Variants in NAALADL2 observed in about 807,000 individuals in gnomAD.
The protein encoded by NAALADL2 is N-acetylated alpha-linked acidic dipeptidase like 2.
NAALADL2 carries 76 observed loss-of-function variants against 87.2 expected under a neutral mutation model. The ratio of observed to expected loss-of-function variants is 0.87; its 90% CI spans 0.72 to 1.05. The LOEUF (loss-of-function observed/expected upper bound fraction) is 1.05. Ranked by LOEUF, NAALADL2 falls within the 50% of genes least tolerant of loss-of-function variation. The pLI, the probability that NAALADL2 is intolerant of heterozygous loss-of-function variation, is 0.00. For synonymous variants in NAALADL2, 354 were observed against 331.0 expected, an observed-to-expected ratio of 1.07 and a Z score of -0.75; for missense variants, 1,089 against 945.8, an observed-to-expected ratio of 1.15 and a Z score of -1.99.
At chr3:174,859,029 C>T (rs945415009), upstream of NAALADL2, among the ~76,000 whole-genome samples, 7 of 152,016 alleles carry the variant, frequency 4.6e-5, no homozygotes, top group African/African-American at 1.7e-4. Flanking sequence ...ATTAGAAACA[C>T]TCAAAAACAA....
At position 175,809,559 on chromosome 3, in the gene NAALADL2, G is replaced by C. The variant is rs1755006606; in HGVS notation, c.*6356G>C. 6.8e-6 allele frequency: 1 copy of C among 147,922 alleles called. No individual in the cohort carries two copies. Among genetic ancestry groups the C allele is most frequent in the Admixed American group, 6.8e-5 (1 of 14,640 alleles). 9.2% of individuals were successfully genotyped at this position (147,922 alleles called of 1,614,324 possible). A position where few individuals can be genotyped will look rare whatever the true frequency, so the allele number is the denominator to read the frequency against. ...AAAAAAGAAAAGAAAAAGTAGCTAG[G>C]CATGTTGGTGTGCACCTTTGTAGTC... On this transcript the variant is annotated 3_prime_UTR_variant, in exon 14 of 14. Transcript: ENST00000454872.
intron 2 of NAALADL2, among the ~76,000 whole-genome samples, chr3:174,588,340 G>T (rs1162685918): frequency 6.6e-6 from 1 of 152,110 alleles, no homozygotes; most frequent in African/African-American, 2.4e-5. Context: ...GGAGAAGTTT[G>T]TTATTACCGA....
intron 11 of NAALADL2, among the ~76,000 whole-genome samples, chr3:175,729,817 C>G (rs1279266111): frequency 8.7e-6 from 1 of 115,574 alleles, no homozygotes; most frequent in Admixed American, 9.0e-5. Context: ...GTTTTTTTTT[C>G]CCATGGTAAC....
intron 5 of NAALADL2, among the ~76,000 whole-genome samples, chr3:175,365,902 G>A (rs187922895): frequency 6.9e-5 from 10 of 144,438 alleles, no homozygotes; most frequent in African/African-American, 2.0e-4. Flanking sequence ...TAAGTTTTAG[G>A]GTACATGTGC....
intron 13 of NAALADL2, among the ~76,000 whole-genome samples, chr3:175,765,982 C>T (rs1210213417): frequency 6.6e-6 from 1 of 152,106 alleles, no homozygotes; most frequent in Non-Finnish European, 1.5e-5. Flanking sequence ...ATACTGCATA[C>T]ATTTGATCCA....
At chr3:175,386,409 A>G (rs905576007) in intron 5 of NAALADL2, among the ~76,000 whole-genome samples, 6 of 152,044 alleles carry the variant, frequency 3.9e-5, no homozygotes, top group African/African-American at 1.4e-4. Flanking sequence ...TCTTAAATCC[A>G]GAGTCCTGAT....
Position 174,539,268 on chromosome 3 carries a change from C to T in NAALADL2, c.-183-11301C>T, listed in dbSNP as rs192569279. Among the ~76,000 whole-genome samples the T allele has an allele frequency of 2.1e-3, 327 of 152,142 alleles. 2 individuals are homozygous for T. The highest frequency in any genetic ancestry group is 2.5e-3 in the Non-Finnish European group (172 of 68,000). On this transcript the variant is annotated intron_variant, in intron 1 of 3. Transcript: ENST00000434257. ...TACATTACAAAAGCTTTCTTTTACA[C>T]ACACAGAGATGAAATGATAGCTATC... is the stretch of plus-strand genomic sequence containing the variant.
rs73050148 is a variant in NAALADL2 at position 174,798,115 on chromosome 3, C to G, written c.-9+60369C>G. Among the ~76,000 whole-genome samples the G allele has an allele frequency of 9.7e-3, 1,481 of 152,216 alleles. 19 individuals carry two copies. The highest frequency in any genetic ancestry group is 0.034 in the African/African-American group (1,398 of 41,526). On this transcript the variant is annotated intron_variant, in intron 3 of 3. Coordinates refer to the NAALADL2 transcript ENST00000434257. ...GAAATTGTTGATAAGATTATTTTCC[C>G]TCATTTAATTATCTTGACTCTGTCA...
chr3:174,961,870 C>G (rs1229773004), intron 1 of NAALADL2, among the ~76,000 whole-genome samples: 2 of 152,054 alleles, frequency 1.3e-5, no homozygotes, highest in Non-Finnish European at 2.9e-5. Context: ...TCATCTCATT[C>G]TCACAGCAAC....
intron 3 of NAALADL2, among the ~76,000 whole-genome samples, 185 bp downstream of exon 3, chr3:175,234,389 G>A (rs117168963): frequency 2.6e-5 from 4 of 152,290 alleles, no homozygotes; most frequent in African/African-American, 9.6e-5. Context: ...GTCATATTTT[G>A]AAAGTGAAAA....
chr3:175,013,421 C>G (rs1182739925), intron 1 of NAALADL2, among the ~76,000 whole-genome samples: 1 of 146,928 alleles, frequency 6.8e-6, no homozygotes, highest in East Asian at 2.0e-4. Context: ...GCCTAAGCCT[C>G]TCAGGTAGCT....
intron 4 of NAALADL2, among the ~76,000 whole-genome samples, chr3:175,312,204 C>T (rs68098539): frequency 0.2 from 29,999 of 151,868 alleles, 3,253 homozygotes; most frequent in East Asian, 0.47. Context: ...ATTTGAGCTT[C>T]GGAAGTAAAA....
At chr3:175,576,963 C>T (rs1718998501) in intron 10 of NAALADL2, among the ~76,000 whole-genome samples, 1 of 152,030 alleles carries the variant, frequency 6.6e-6, no homozygotes, top group South Asian at 2.1e-4. Flanking sequence ...AGAAGGGGTG[C>T]TTAAATTATG....
At chr3:174,903,066 C>T (rs73047016) in intron 1 of NAALADL2, among the ~76,000 whole-genome samples, 1 of 151,788 alleles carries the variant, frequency 6.6e-6, no homozygotes, top group African/African-American at 2.4e-5. Context: ...CTCAAGTTTT[C>T]CCCCCCAAAT....
rs543362136 is a variant in NAALADL2 at position 174,761,463 on chromosome 3, G to C, written c.-9+23717G>C. 3.3e-4 allele frequency among the ~76,000 whole-genome samples: 50 copies of C among 152,062 alleles called. No individual in the cohort carries two copies. The South Asian group carries it at 6.2e-3, about 19-fold the overall frequency. On this transcript the variant is annotated intron_variant, in intron 3 of 3. Transcript: ENST00000434257. ...CCATATTACATGATACATAAAAATG[G>C]ATCACTTACAAGGTTCTTGAAGCAA...
intron 1 of NAALADL2, among the ~76,000 whole-genome samples, chr3:174,524,707 C>A (rs557451954): frequency 3.7e-4 from 38 of 102,994 alleles, no homozygotes; most frequent in Admixed American, 1.2e-3. Context: ...GCCACCATGC[C>A]CAACAAATTA....
intron 2 of NAALADL2, among the ~76,000 whole-genome samples, chr3:174,671,483 C>A (rs1191577655): frequency 3.9e-5 from 6 of 152,000 alleles, no homozygotes; most frequent in African/African-American, 1.4e-4. Flanking sequence ...TAGTTAGGAC[C>A]ACTGAAAATG....
chr3:174,919,545 CTAATT>C (rs1440601364), intron 1 of NAALADL2, among the ~76,000 whole-genome samples: 1 of 152,106 alleles, frequency 6.6e-6, no homozygotes, highest in African/African-American at 2.4e-5. Flanking sequence ...GTCCCCATTT[CTAATT>C]TTAGTTTTCT....
At chr3:174,929,819 C>A (rs1736610697) in intron 1 of NAALADL2, among the ~76,000 whole-genome samples, 1 of 152,116 alleles carries the variant, frequency 6.6e-6, no homozygotes, top group African/African-American at 2.4e-5. Flanking sequence ...AGTTCTGTAA[C>A]TTTAGCCAAC....
Sources: allele counts gnomAD v4.1 joint callset (sites outside exome capture counted in the v4.1 genomes callset), GRCh38; gene constraint gnomAD v4.1.1; transcripts MANE v1.5; gene names NCBI Gene and HGNC (gene_info 2026-07-23, HGNC 2026-07-21).